AGBL4: variants seen among roughly 807,000 people sequenced by gnomAD.
AGBL4 encodes the protein AGBL carboxypeptidase 4, also known as cytosolic carboxypeptidase 6.
In AGBL4, 58 loss-of-function variants were observed where a neutral mutation model predicts 66.4. That is an observed-to-expected ratio of 0.87 (90% CI 0.71 to 1.09). The LOEUF (loss-of-function observed/expected upper bound fraction) is 1.09, where lower values mean the gene tolerates loss of function less well. Among genes scored for constraint, AGBL4 ranks in the 50% least tolerant of loss-of-function variants. The pLI is 0.00. For missense variants in AGBL4, 579 were observed against 631.0 expected (o/e 0.92, Z 0.88); for synonymous variants, 234 against 222.9 (o/e 1.05, Z -0.44).
intron 4 of AGBL4, among the ~76,000 whole-genome samples, chr1:49,085,561 G>A (rs1292956692): frequency 6.6e-6 from 1 of 151,902 alleles, no homozygotes; most frequent in East Asian, 1.9e-4. Flanking sequence ...TCATGGAGAG[G>A]AAACAAAAGG....
rs962610723 is a variant in AGBL4 at position 49,434,732 on chromosome 1, G to A, written c.283-188868C>T. Among the ~76,000 whole-genome samples the A allele has an allele frequency of 3.3e-5, 5 of 151,316 alleles. No individual in the cohort carries two copies. The South Asian group carries it at 6.3e-4, about 19-fold the overall frequency. ...GCTGGTGGTGGTGGTGGTGGTGGTG[G>A]TGTGTGTGTGACTATATGGTAGCTT... On this transcript the variant is annotated intron_variant, in intron 3 of 13. Coordinates refer to ENST00000371839, the MANE Select transcript of AGBL4 (RefSeq NM_032785.4).
At chr1:49,483,236 G>T (rs778167232) in intron 3 of AGBL4, among the ~76,000 whole-genome samples, 7 of 152,116 alleles carry the variant, frequency 4.6e-5, no homozygotes, top group Non-Finnish European at 1.0e-4. Flanking sequence ...CTATTATTGT[G>T]CAGGGGTCTA....
intron 5 of AGBL4, among the ~76,000 whole-genome samples, chr1:48,967,990 C>A (rs1255319395): frequency 2.0e-5 from 3 of 151,882 alleles, no homozygotes; most frequent in Non-Finnish European, 4.4e-5. Context: ...TTGGGGGTTT[C>A]TTTTTGTTTG....
At chr1:49,971,031 T>G (rs1366007502) in intron 1 of AGBL4, among the ~76,000 whole-genome samples, 1 of 152,132 alleles carries the variant, frequency 6.6e-6, no homozygotes, top group South Asian at 2.1e-4. Flanking sequence ...CTATAGAAAT[T>G]TACTACATTA....
intron 11 of AGBL4, among the ~76,000 whole-genome samples, chr1:48,564,445 TC>T (rs1328267144): frequency 6.6e-6 from 1 of 150,420 alleles, no homozygotes; most frequent in African/African-American, 2.4e-5. Context: ...ACATGGGGGC[TC>T]CTGGATGCTC....
intron 6 of AGBL4, among the ~76,000 whole-genome samples, chr1:48,733,671 A>C (rs1366810168): frequency 6.6e-6 from 1 of 152,180 alleles, no homozygotes; most frequent in Non-Finnish European, 1.5e-5. Context: ...GCACTGCTAC[A>C]ATCCTAGGCA....
At chr1:49,140,774 C>G (rs12403773) in intron 4 of AGBL4, among the ~76,000 whole-genome samples, 1 of 151,998 alleles carries the variant, frequency 6.6e-6, no homozygotes, top group Non-Finnish European at 1.5e-5. Context: ...TGACATGTAT[C>G]CAGATCTTTT....
intron 2 of AGBL4, among the ~76,000 whole-genome samples, chr1:49,698,477 C>G (rs888172000): frequency 1.3e-5 from 2 of 151,988 alleles, no homozygotes; most frequent in African/African-American, 4.8e-5. Flanking sequence ...GAGGTAGAGA[C>G]CATTACTATC....
At chr1:49,830,850 T>C (rs1411942049) in intron 2 of AGBL4, among the ~76,000 whole-genome samples, 1 of 152,210 alleles carries the variant, frequency 6.6e-6, no homozygotes. Context: ...CCTAACACCA[T>C]TTATTAAATA....
intron 5 of AGBL4, among the ~76,000 whole-genome samples, chr1:48,937,370 T>C (rs901806046): frequency 2.0e-5 from 3 of 152,216 alleles, no homozygotes; most frequent in African/African-American, 7.2e-5. Context: ...GTAGCCATCA[T>C]AAAATCAGGC....
chr1:49,404,647 A>G (rs1304943123), intron 3 of AGBL4, among the ~76,000 whole-genome samples: 1 of 152,134 alleles, frequency 6.6e-6, no homozygotes, highest in Non-Finnish European at 1.5e-5. Context: ...GTCTACCACA[A>G]TTTTGTTTGT....
intron 5 of AGBL4, among the ~76,000 whole-genome samples, chr1:48,901,186 A>G (rs753523838): frequency 2.0e-5 from 3 of 152,212 alleles, no homozygotes; most frequent in African/African-American, 2.4e-5. Context: ...CTAGACAACT[A>G]TTAGAATGGA....
rs1166561532 is a variant in AGBL4 at position 49,241,835 on chromosome 1, T to G, written c.377+3935A>C. Reference sequence around the variant, plus strand: ...CTTTAAAAAGTATTTACACATTCAGTTCACATTTGTTTCTTATAACAACGC... The same window carrying G: ...CTTTAAAAAGTATTTACACATTCAGGTCACATTTGTTTCTTATAACAACGC... On this transcript the variant is annotated intron_variant, in intron 4 of 13. Coordinates refer to ENST00000371839, the MANE Select transcript of AGBL4 (RefSeq NM_032785.4). 2.6e-5 allele frequency among the ~76,000 whole-genome samples: 4 copies of G among 152,042 alleles called. No individual in the cohort carries two copies. The East Asian group carries it at 7.7e-4, about 29-fold the overall frequency.
intron 4 of AGBL4, among the ~76,000 whole-genome samples, chr1:49,206,400 C>G (rs1313287534): frequency 6.6e-6 from 1 of 152,132 alleles, no homozygotes; most frequent in Non-Finnish European, 1.5e-5. Flanking sequence ...GAATGAAGGT[C>G]TAATACAATT....
intron 1 of AGBL4, among the ~76,000 whole-genome samples, chr1:49,971,611 T>C (rs866745653): frequency 4.6e-5 from 7 of 151,942 alleles, no homozygotes; most frequent in Admixed American, 1.3e-4. Flanking sequence ...GAAAAAGAAA[T>C]TTGAGCTAAT....
At chr1:49,460,634 G>A (rs193257527) in intron 3 of AGBL4, among the ~76,000 whole-genome samples, 2 of 151,730 alleles carry the variant, frequency 1.3e-5, no homozygotes, top group Non-Finnish European at 2.9e-5. Flanking sequence ...TATTCATCAT[G>A]CTATTTGTTG....
chr1:48,626,119 C>T (rs1271119657), intron 9 of AGBL4, among the ~76,000 whole-genome samples: 2 of 152,260 alleles, frequency 1.3e-5, no homozygotes, highest in African/African-American at 2.4e-5. Flanking sequence ...TCCTGGGCCA[C>T]GTAGGTAGGA....
intron 1 of AGBL4, among the ~76,000 whole-genome samples, chr1:49,973,826 T>G (rs896298793): frequency 1.3e-5 from 2 of 151,424 alleles, no homozygotes; most frequent in Non-Finnish European, 2.9e-5. Context: ...TAGTGATACT[T>G]TAACATGATT....
In AGBL4 at chr1:49,209,408, T is replaced by C. The variant is rs74468830; in HGVS notation, c.377+36362A>G. On this transcript the variant is annotated intron_variant, in intron 4 of 13. Transcript: ENST00000371839. ...AAATTTACTATGAAGGACCCAGATATAGATAACACAGTACAGTGGGGGAAA... is the reference window on the plus strand; with the variant it reads ...AAATTTACTATGAAGGACCCAGATACAGATAACACAGTACAGTGGGGGAAA... Among the ~76,000 whole-genome samples, 19 of 152,226 alleles carry C rather than the reference T, an allele frequency of 1.2e-4. No individual in the cohort carries two copies. In the East Asian group the frequency reaches 3.7e-3, roughly 29 times the overall value.
Sources: gnomAD v4.1 joint callset for allele counts (sites outside exome capture counted in the v4.1 genomes callset) on GRCh38, gnomAD v4.1.1 for gene constraint, MANE v1.5 for transcripts, NCBI Gene and HGNC (gene_info 2026-07-23, HGNC 2026-07-21) for gene names.